KAZN: variants seen among roughly 807,000 people sequenced by gnomAD.
The protein encoded by KAZN is kazrin.
A neutral mutation model predicts 87.4 loss-of-function variants in KAZN; 40 were observed. The ratio of observed to expected loss-of-function variants is 0.46; its 90% CI spans 0.36 to 0.60. The LOEUF is 0.60. KAZN is among the 20% of genes least tolerant of loss of function. KAZN has a pLI of 0.00. For missense variants in KAZN, 898 were observed against 1,073.9 expected, an observed-to-expected ratio of 0.84 and a Z score of 2.29; for synonymous variants, 466 against 458.3, an observed-to-expected ratio of 1.02 and a Z score of -0.22.
At chr1:14,258,218 CTTT>C (rs70997128) in intron 2 of KAZN, among the ~76,000 whole-genome samples, 2 of 126,440 alleles carry the variant, frequency 1.6e-5, no homozygotes, top group Non-Finnish European at 3.3e-5. Context: ...TTCTTTCTTT[CTTT>C]TTTTTTTTTT....
intron 1 of KAZN, among the ~76,000 whole-genome samples, chr1:14,743,937 A>G (rs1056320169): frequency 1.3e-5 from 2 of 152,154 alleles, no homozygotes; most frequent in African/African-American, 2.4e-5. Flanking sequence ...GACACCAAGA[A>G]TGAGGTTTCC....
intron 1 of KAZN, among the ~76,000 whole-genome samples, chr1:14,840,803 A>G (rs571926864): frequency 6.6e-6 from 1 of 152,334 alleles, no homozygotes; most frequent in East Asian, 1.9e-4. Context: ...CAGAAGGGTA[A>G]TTTATTCATA....
intron 1 of KAZN, among the ~76,000 whole-genome samples, chr1:13,899,186 G>T (rs886689750): frequency 6.6e-6 from 1 of 152,214 alleles, no homozygotes; most frequent in Non-Finnish European, 1.5e-5. Flanking sequence ...GCTGGCAATT[G>T]GGCACAACCA....
intron 2 of KAZN, among the ~76,000 whole-genome samples, chr1:14,522,694 A>T (rs1163466486): frequency 6.6e-6 from 1 of 152,244 alleles, no homozygotes; most frequent in Non-Finnish European, 1.5e-5. Context: ...TAGATAATGC[A>T]TCTGCAATTA....
At chr1:13,957,270 A>C (rs769047356) in intron 1 of KAZN, among the ~76,000 whole-genome samples, 2 of 152,198 alleles carry the variant, frequency 1.3e-5, no homozygotes, top group African/African-American at 2.4e-5. Context: ...AAAATGATAT[A>C]TGCAGACTCT....
intron 4 of KAZN, among the ~76,000 whole-genome samples, chr1:15,049,520 G>A (rs1674070622): frequency 6.6e-6 from 1 of 152,046 alleles, no homozygotes; most frequent in African/African-American, 2.4e-5. Flanking sequence ...TCCAGACATG[G>A]CCAGATGTCC....
intron 1 of KAZN, among the ~76,000 whole-genome samples, chr1:13,960,472 G>A (rs1641708449): frequency 6.6e-6 from 1 of 152,104 alleles, no homozygotes; most frequent in Admixed American, 6.5e-5. Flanking sequence ...GGAAGGTGCC[G>A]TTTTCCCACT....
chr1:14,400,337 A>G (rs1663295678), intron 2 of KAZN, among the ~76,000 whole-genome samples: 1 of 152,050 alleles, frequency 6.6e-6, no homozygotes, highest in Admixed American at 6.5e-5. Flanking sequence ...GAATTTTTCA[A>G]CTCTCATAAA....
intron 1 of KAZN, among the ~76,000 whole-genome samples, chr1:14,882,256 A>G (rs1653417930): frequency 6.6e-6 from 1 of 152,236 alleles, no homozygotes; most frequent in African/African-American, 2.4e-5. Context: ...GCTAAACTTC[A>G]GAGATTCCAA....
intron 2 of KAZN, among the ~76,000 whole-genome samples, chr1:14,486,142 A>T (rs1208502754): frequency 6.6e-6 from 1 of 152,188 alleles, no homozygotes; most frequent in Non-Finnish European, 1.5e-5. Flanking sequence ...CATCATTTAG[A>T]GTTCACTTTT....
intron 2 of KAZN, among the ~76,000 whole-genome samples, chr1:14,192,624 T>A (rs769206378): frequency 2.6e-5 from 4 of 152,156 alleles, no homozygotes; most frequent in Non-Finnish European, 5.9e-5. Flanking sequence ...ATGTGTACCA[T>A]AGTTGAGTGT....
rs76812679 is a variant in KAZN, at chr1:14,743,543, T to C, written c.226+144320T>C. On this transcript the variant is annotated intron_variant, in intron 1 of 14. Coordinates refer to ENST00000376030, the MANE Select transcript of KAZN (RefSeq NM_201628.3). The stretch of plus-strand genomic sequence containing the variant: ...AGCCCCAGTGCTTTCTAAATTGGCT[T>C]AAGCAAAAAGAAACAAAATGAACCC... 6.8e-3 allele frequency among the ~76,000 whole-genome samples: 1,037 copies of C among 152,322 alleles called. 8 individuals are homozygous for C. Among genetic ancestry groups the C allele is most frequent in the South Asian group, 0.047 (228 of 4,822 alleles).
intron 1 of KAZN, among the ~76,000 whole-genome samples, chr1:13,915,189 G>A (rs577717668): frequency 3.9e-5 from 6 of 152,276 alleles, no homozygotes; most frequent in Middle Eastern, 3.4e-3. Flanking sequence ...ACATGTATAC[G>A]ATCTGCCTTT....
chr1:13,981,828 A>G (rs1638731800), intron 1 of KAZN, among the ~76,000 whole-genome samples: 1 of 152,138 alleles, frequency 6.6e-6, no homozygotes, highest in Non-Finnish European at 1.5e-5. Flanking sequence ...TACAGACCCT[A>G]GAAGATGCTG....
chr1:14,495,676 T>G (rs1243795349), intron 2 of KAZN, among the ~76,000 whole-genome samples: 2 of 152,180 alleles, frequency 1.3e-5, no homozygotes, highest in African/African-American at 2.4e-5. Context: ...CAACTCTCCT[T>G]CTTTATTAGA....
In KAZN at chr1:14,949,389, G is replaced by A. The variant is rs2101694015; in HGVS notation, c.227-11295G>A. Among the ~76,000 whole-genome samples the A allele has an allele frequency of 6.6e-6, 1 of 152,244 alleles. No individual in the cohort carries two copies. The highest frequency in any genetic ancestry group is 2.1e-4 in the South Asian group (1 of 4,828). ...GCACTTCCCCATCCCTCCTGCCCAAGCAAATTCCCAAGTAGGTAGGAGCAG... is the reference window on the plus strand; with the variant it reads ...GCACTTCCCCATCCCTCCTGCCCAAACAAATTCCCAAGTAGGTAGGAGCAG... On this transcript the variant is annotated intron_variant, in intron 1 of 14. Coordinates refer to ENST00000376030, the MANE Select transcript of KAZN (RefSeq NM_201628.3). The surrounding 1 kb of genome is among the most constrained non-coding windows in gnomAD (Gnocchi z 4.3).
intron 1 of KAZN, among the ~76,000 whole-genome samples, chr1:14,794,428 T>TG (rs5772601): frequency 0.08 from 12,123 of 152,232 alleles, 532 homozygotes; most frequent in Middle Eastern, 0.14. Flanking sequence ...TCCAAGGCTG[T>TG]GGGCCTTTAT....
At chr1:14,544,350 C>CTTTCTTTTTT (rs1553186409) in intron 2 of KAZN, among the ~76,000 whole-genome samples, 9 of 98,118 alleles carry the variant, frequency 9.2e-5, no homozygotes, top group South Asian at 3.7e-4. Flanking sequence ...TTCTTTCTTT[C>CTTTCTTTTTT]TTTTTTTTTT....
intron 2 of KAZN, among the ~76,000 whole-genome samples, chr1:14,526,706 CA>C (rs34504448): frequency 0.43 from 65,115 of 151,986 alleles, 14,620 homozygotes; most frequent in Middle Eastern, 0.55. Flanking sequence ...CTCTGGATAT[CA>C]AAAACCTCAT....
Sources: allele counts gnomAD v4.1 joint callset (sites outside exome capture counted in the v4.1 genomes callset), GRCh38; gene constraint gnomAD v4.1.1; non-coding constraint Gnocchi (gnomAD v3.1); transcripts MANE v1.5; gene names NCBI Gene and HGNC (gene_info 2026-07-23, HGNC 2026-07-21).